Variants in FBP1 observed in about 807,000 individuals in gnomAD.
FBP1 encodes the protein fructose-1,6-bisphosphatase 1.
A neutral mutation model predicts 29.9 loss-of-function variants in FBP1; 22 were observed. The observed-to-expected ratio is 0.74, with a 90% CI of 0.53 to 1.05. The LOEUF (loss-of-function observed/expected upper bound fraction) is 1.05, where lower values mean the gene tolerates loss of function less well. FBP1 is among the 50% of genes least tolerant of loss of function. The pLI is 0.00. For synonymous variants in FBP1, 175 were observed against 178.6 expected, an observed-to-expected ratio of 0.98 and a Z score of 0.16; for missense variants, 345 against 448.2, an observed-to-expected ratio of 0.77 and a Z score of 2.08.
chr9:94,639,809 G>T (rs1264646275), upstream of FBP1, among the ~76,000 whole-genome samples: 2 of 152,098 alleles, frequency 1.3e-5, no homozygotes, highest in Non-Finnish European at 2.9e-5. Context: ...AGAAAGCTAT[G>T]ACTGTTTCCT....
At chr9:94,624,777 A>G (rs1384571165) in intron 1 of FBP1, among the ~76,000 whole-genome samples, 3 of 152,252 alleles carry the variant, frequency 2.0e-5, no homozygotes, top group Non-Finnish European at 4.4e-5. Context: ...GGAAACAGTA[A>G]GTACATTTTT....
At position 94,606,823 on chromosome 9, in the gene FBP1, A is replaced by T. The variant is rs2297085; in HGVS notation, c.697T>A (p.Phe233Ile). The T allele has an allele frequency of 1.6e-3, 2,599 of 1,613,752 alleles. 62 individuals carry two copies. The East Asian group carries it at 0.05, about 31-fold the overall frequency. Residue 233 changes from phenylalanine (F) to isoleucine (I), a missense_variant, in exon 5 of 7, where the codon TTC (phenylalanine) becomes ATC (isoleucine). Coordinates refer to ENST00000375326, the MANE Select transcript of FBP1 (RefSeq NM_000507.4). ...CCCGGGCCCTCACTTACTGGGGGGA[A>T]CTTCTTCCTCTGGATGTACTCAGTG... is the stretch of plus-strand genomic sequence containing the variant. The part of the protein sequence containing the change: ...AVTEYIQRKK[F>I]PPDNSAPYGA...
At chr9:94,634,081 G>A (rs2131503464) in intron 1 of FBP1, among the ~76,000 whole-genome samples, 1 of 151,040 alleles carries the variant, frequency 6.6e-6, no homozygotes, top group Non-Finnish European at 1.5e-5. Context: ...ATCACCTGAG[G>A]TCAGGAGTTT....
intron 1 of FBP1, among the ~76,000 whole-genome samples, chr9:94,633,415 CT>C (rs1007699054): frequency 6.6e-6 from 1 of 152,210 alleles, no homozygotes; most frequent in African/African-American, 2.4e-5. Context: ...TTGATCTCTC[CT>C]TTTCTATACC....
rs183893395 is a variant in FBP1 at position 94,623,914 on chromosome 9, G to T, written c.171-3423C>A. 3.3e-5 allele frequency among the ~76,000 whole-genome samples: 5 copies of T among 152,254 alleles called. No homozygotes were observed. In the East Asian group the frequency reaches 9.6e-4, roughly 29 times the overall value. Reference sequence around the variant, plus strand: ...ATATGTCAGATAGTGACAGATGCTCGCTGACATAAAACAAAAACAAGGTGA... The same window carrying T: ...ATATGTCAGATAGTGACAGATGCTCTCTGACATAAAACAAAAACAAGGTGA... On this transcript the variant is annotated intron_variant, in intron 1 of 6. Transcript: ENST00000375326.
At chr9:94,605,683 C>A in intron 5 of FBP1, 107 bp from the exon 6 acceptor site, 1 of 1,115,892 alleles carries the variant, frequency 9.0e-7, no homozygotes, top group Non-Finnish European at 1.3e-6. Context: ...CGAGCACCTA[C>A]AAGGTATGTA....
At chr9:94,628,699 C>T (rs1235908515) in intron 1 of FBP1, among the ~76,000 whole-genome samples, 1 of 152,198 alleles carries the variant, frequency 6.6e-6, no homozygotes, top group African/African-American at 2.4e-5. Flanking sequence ...TACTTCCAGG[C>T]ATGTGTGAAT....
rs1244796318 is a variant in FBP1 at position 94,634,765 on chromosome 9, C to T, written c.170+4376G>A. On this transcript the variant is annotated intron_variant, in intron 1 of 6. Transcript: ENST00000375326. Reference sequence around the variant, plus strand: ...AAGCCTGAATTCACATCAAAAATGTCGCCTGGCCAACATGGCTAAACCCTG... The same window carrying T: ...AAGCCTGAATTCACATCAAAAATGTTGCCTGGCCAACATGGCTAAACCCTG... 2.6e-5 allele frequency among the ~76,000 whole-genome samples: 4 copies of T among 152,060 alleles called. No homozygotes were observed. The South Asian group carries it at 6.2e-4, about 24-fold the overall frequency.
At chr9:94,639,006 G>A in intron 1 of FBP1, 135 bp downstream of exon 1, 1 of 898,892 alleles carries the variant, frequency 1.1e-6, no homozygotes, top group Admixed American at 2.0e-5. Flanking sequence ...GACAGAGAGC[G>A]AGAGAGGCGC....
chr9:94,631,933 G>T lies in FBP1; in HGVS notation c.170+7208C>A, dbSNP rs963913598. Among the ~76,000 whole-genome samples the T allele has an allele frequency of 2.6e-5, 4 of 151,812 alleles. No homozygotes were observed. In the Middle Eastern group the frequency reaches 0.014, roughly 516 times the overall value. On this transcript the variant is annotated intron_variant, in intron 1 of 6. Coordinates refer to ENST00000375326, the MANE Select transcript of FBP1 (RefSeq NM_000507.4). ...ACCTGCCTCTGCTTGCATTCACCGGGGCCTAAACTGGTAAACAGGATGGAA... is the reference window on the plus strand; with the variant it reads ...ACCTGCCTCTGCTTGCATTCACCGGTGCCTAAACTGGTAAACAGGATGGAA...
chr9:94,606,800 C>T lies in FBP1; in HGVS notation c.705+15G>A, dbSNP rs768946837. On this transcript the variant is annotated intron_variant, in intron 5 of 6. Transcript: ENST00000375326. Reference sequence around the variant, plus strand: ...TGCCCAGAACCTGCACCACCCTCCCCGGGCCCTCACTTACTGGGGGGAACT... The same window carrying T: ...TGCCCAGAACCTGCACCACCCTCCCTGGGCCCTCACTTACTGGGGGGAACT... The T allele has an allele frequency of 1.2e-5, 20 of 1,611,956 alleles. No homozygotes were observed. Among genetic ancestry groups the T allele is most frequent in the South Asian group, 4.4e-5 (4 of 90,918 alleles).
intron 1 of FBP1, among the ~76,000 whole-genome samples, chr9:94,621,374 C>T (rs981715152): frequency 1.4e-5 from 2 of 144,808 alleles, no homozygotes; most frequent in South Asian, 2.2e-4. Context: ...CCAGCCTGGG[C>T]GACAGAGCAA....
At chr9:94,610,252 G>A (rs28369729) in intron 3 of FBP1, among the ~76,000 whole-genome samples, 191 bp from the exon 4 acceptor site, 1 of 152,150 alleles carries the variant, frequency 6.6e-6, no homozygotes, top group African/African-American at 2.4e-5. Flanking sequence ...CCAGAACCCA[G>A]ATTTCCTGCA....
At chr9:94,620,751 T>C (rs950349300) in intron 1 of FBP1, among the ~76,000 whole-genome samples, 40 of 151,982 alleles carry the variant, frequency 2.6e-4, no homozygotes, top group African/African-American at 9.4e-4. Context: ...CATCACACAC[T>C]GGGGCCTCTC....
chr9:94,623,232 A>T (rs1827973897), intron 1 of FBP1, among the ~76,000 whole-genome samples: 1 of 151,974 alleles, frequency 6.6e-6, no homozygotes, highest in African/African-American at 2.4e-5. Flanking sequence ...TGATCCACCC[A>T]CCTCAGCCTC....
chr9:94,622,821 G>A lies in FBP1; in HGVS notation c.171-2330C>T, dbSNP rs150731101. Among the ~76,000 whole-genome samples, 511 of 152,270 alleles carry A rather than the reference G, an allele frequency of 3.4e-3. 2 individuals are homozygous for A. Among genetic ancestry groups the A allele is most frequent in the African/African-American group, 9.9e-3 (410 of 41,542 alleles). ...TTCTGACCCCAATTGTGAGGCTGGGGCTTGTGCAGGAAGAAGGCAGCCAAA... is the reference window on the plus strand; with the variant it reads ...TTCTGACCCCAATTGTGAGGCTGGGACTTGTGCAGGAAGAAGGCAGCCAAA... On this transcript the variant is annotated intron_variant, in intron 1 of 6. Transcript: ENST00000375326.
chr9:94,620,495 C>G lies in FBP1; in HGVS notation c.171-4G>C. The G allele has an allele frequency of 6.2e-7, 1 of 1,613,860 alleles. No homozygotes were observed. The highest frequency in any genetic ancestry group is 8.5e-7 in the Non-Finnish European group (1 of 1,179,896). On this transcript the variant is annotated splice_region_variant and splice_polypyrimidine_tract_variant and intron_variant, in intron 1 of 6. Coordinates refer to ENST00000375326, the MANE Select transcript of FBP1 (RefSeq NM_000507.4). ...GGTAGAACCAGCAATGCCATAGCTA[C>G]AGGGAACAAAAGCCACAAAAAATAA...
chr9:94,633,770 T>A (rs1184571019), intron 1 of FBP1, among the ~76,000 whole-genome samples: 1 of 151,810 alleles, frequency 6.6e-6, no homozygotes. Flanking sequence ...AGTGGCGCGA[T>A]CTCGGCTCAC....
At chr9:94,617,419 A>G (rs929460240) in intron 3 of FBP1, among the ~76,000 whole-genome samples, 1 of 152,202 alleles carries the variant, frequency 6.6e-6, no homozygotes, top group Non-Finnish European at 1.5e-5. Flanking sequence ...CATAGTCTCT[A>G]TTGTTGTCTT....
Sources: allele counts gnomAD v4.1 joint callset (sites outside exome capture counted in the v4.1 genomes callset), GRCh38; gene constraint gnomAD v4.1.1; transcripts MANE v1.5; gene names NCBI Gene and HGNC (gene_info 2026-07-23, HGNC 2026-07-21).